SGK1: variants seen among roughly 807,000 people sequenced by gnomAD.
SGK1 encodes serum/glucocorticoid regulated kinase 1.
In SGK1, 26 loss-of-function variants were observed where a neutral mutation model predicts 64.2. The observed-to-expected ratio is 0.40, with a 90% confidence interval of 0.30 to 0.56. The LOEUF (loss-of-function observed/expected upper bound fraction) is 0.56, where lower values mean the gene tolerates loss of function less well. Among genes scored for constraint, SGK1 ranks in the 20% least tolerant of loss-of-function variants. The pLI, the probability that SGK1 is intolerant of heterozygous loss-of-function variation, is 0.38. For missense variants in SGK1, 519 were observed against 645.6 expected (o/e 0.80, Z 2.12); for synonymous variants, 265 against 239.7 (o/e 1.11, Z -0.98).
intron 1 of SGK1, among the ~76,000 whole-genome samples, chr6:134,301,382 C>T (rs1359346911): frequency 6.6e-6 from 1 of 152,066 alleles, no homozygotes; most frequent in Admixed American, 6.6e-5. Flanking sequence ...ATTGGTAAGA[C>T]AGAGCAGGAA....
At chr6:134,229,268 C>T (rs1394199629) in intron 2 of SGK1, among the ~76,000 whole-genome samples, 1 of 152,196 alleles carries the variant, frequency 6.6e-6, no homozygotes, top group Non-Finnish European at 1.5e-5. Context: ...ACGTCCCTTT[C>T]CCTTCCCGTT....
At chr6:134,253,578 A>G (rs1394814739) in intron 2 of SGK1, among the ~76,000 whole-genome samples, 1 of 152,128 alleles carries the variant, frequency 6.6e-6, no homozygotes, top group Non-Finnish European at 1.5e-5. Flanking sequence ...GCTTGAGCCC[A>G]GGAAATCGAG....
At chr6:134,214,658 A>ATGAG (rs10667146) in intron 2 of SGK1, among the ~76,000 whole-genome samples, 136,854 of 151,934 alleles carry the variant, frequency 0.9, 62,074 homozygotes, top group East Asian at 1. Flanking sequence ...GAAAAACAGA[A>ATGAG]TATGTGCAGT....
At chr6:134,287,697 A>T (rs1446649489) in intron 1 of SGK1, among the ~76,000 whole-genome samples, 1 of 152,082 alleles carries the variant, frequency 6.6e-6, no homozygotes, top group Admixed American at 6.5e-5. Flanking sequence ...AAAATGTGAT[A>T]ATGACTTAAT....
At chr6:134,290,150 CAAA>C (rs35039086) in intron 1 of SGK1, among the ~76,000 whole-genome samples, 71 of 75,910 alleles carry the variant, frequency 9.4e-4, no homozygotes, top group African/African-American at 2.5e-3. Context: ...AGCTCCTTCT[CAAA>C]AAAAAAAAAA....
intron 2 of SGK1, among the ~76,000 whole-genome samples, chr6:134,221,257 C>T (rs1776086880): frequency 6.6e-6 from 1 of 152,010 alleles, no homozygotes; most frequent in Admixed American, 6.6e-5. Context: ...TGAGCCAAGA[C>T]TGTGCCACTG....
intron 1 of SGK1, among the ~76,000 whole-genome samples, chr6:134,308,444 G>T (rs1777566442): frequency 6.6e-6 from 1 of 152,116 alleles, no homozygotes; most frequent in African/African-American, 2.4e-5. Flanking sequence ...AGCTACCAAG[G>T]TCTTTCAAAC....
intron 2 of SGK1, among the ~76,000 whole-genome samples, chr6:134,231,885 C>T (rs1230416710): frequency 6.6e-6 from 1 of 151,036 alleles, no homozygotes; most frequent in Admixed American, 6.6e-5. Context: ...ACTAAAAATA[C>T]AAAAATTAGC....
chr6:134,314,590 C>T (rs1399836672), intron 1 of SGK1, among the ~76,000 whole-genome samples: 1 of 152,106 alleles, frequency 6.6e-6, no homozygotes, highest in African/African-American at 2.4e-5. Context: ...ATTAAATGAG[C>T]TAATACATGT....
At chr6:134,177,431 G>A (rs1382456140) in intron 3 of SGK1, among the ~76,000 whole-genome samples, 1 of 152,162 alleles carries the variant, frequency 6.6e-6, no homozygotes, top group African/African-American at 2.4e-5. Flanking sequence ...GCCTAGCCCA[G>A]CCTAGCTCTG....
intron 2 of SGK1, among the ~76,000 whole-genome samples, chr6:134,225,767 A>G (rs1175681669): frequency 1.3e-5 from 2 of 152,036 alleles, no homozygotes; most frequent in African/African-American, 4.8e-5. Flanking sequence ...CAGGAGTAAA[A>G]GAAAAAAATA....
chr6:134,301,576 CTCT>C lies in SGK1; in HGVS notation c.69+15813_69+15815del, dbSNP rs1562279145. ...CTCTTCTCTTCTCTTCTCTTCTCTT[CTCT>C]TCTCTTCCCTTCTCTTCTCTTTTCT... On this transcript the variant is annotated intron_variant, in intron 1 of 13. Coordinates refer to ENST00000367858, the MANE Select transcript of SGK1 (RefSeq NM_001143676.3). Among the ~76,000 whole-genome samples the C allele has an allele frequency of 8.5e-4, 83 of 97,124 alleles. 1 individual carries two copies. The highest frequency in any genetic ancestry group is 3.5e-3 in the African/African-American group (79 of 22,536). 63.7% of individuals were successfully genotyped at this position (97,124 alleles called of 152,430 possible).
At chr6:134,272,327 T>G (rs1412494599) in intron 1 of SGK1, among the ~76,000 whole-genome samples, 9 of 131,994 alleles carry the variant, frequency 6.8e-5, no homozygotes, top group African/African-American at 2.5e-4. Flanking sequence ...TTTTTTTTTG[T>G]ATTTTTAGTA....
In SGK1 at chr6:134,237,553, T is replaced by C. The variant is rs1776384057; in HGVS notation, c.285+24380A>G. Among the ~76,000 whole-genome samples the C allele has an allele frequency of 2.6e-5, 4 of 152,170 alleles. No individual in the cohort carries two copies. In the South Asian group the frequency reaches 8.3e-4, roughly 32 times the overall value. ...TTAGCCAGGCGTGGTGGCATGCGCC[T>C]GTGATCCCAGCTACTCAGGAGGCAG... On this transcript the variant is annotated intron_variant, in intron 2 of 13. Transcript: ENST00000367858.
chr6:134,279,646 C>T (rs986177679), intron 1 of SGK1, among the ~76,000 whole-genome samples: 1 of 151,796 alleles, frequency 6.6e-6, no homozygotes, highest in Non-Finnish European at 1.5e-5. Context: ...TTAATCCCCT[C>T]CCCCCCAAAA....
At chr6:134,280,370 T>C (rs939232603) in intron 1 of SGK1, among the ~76,000 whole-genome samples, 3 of 152,160 alleles carry the variant, frequency 2.0e-5, no homozygotes, top group Non-Finnish European at 4.4e-5. Flanking sequence ...AAGTATTTGT[T>C]GAATAAATAG....
rs528521043 is a variant in SGK1, at chr6:134,284,232, A to G, written c.70-22084T>C. ...CTCAGCCTCCCAGGTAGCTGGGACT[A>G]CAGGTGCACACCACCACGCCTGGCA... On this transcript the variant is annotated intron_variant, in intron 1 of 13. Coordinates refer to ENST00000367858, the MANE Select transcript of SGK1 (RefSeq NM_001143676.3). Among the ~76,000 whole-genome samples the G allele has an allele frequency of 2.2e-4, 33 of 152,238 alleles. No individual in the cohort carries two copies. In the South Asian group the frequency reaches 6.2e-3, roughly 29 times the overall value.
chr6:134,227,789 A>C (rs12200883), intron 2 of SGK1, among the ~76,000 whole-genome samples: 11,861 of 152,214 alleles, frequency 0.078, 528 homozygotes, highest in African/African-American at 0.087. Flanking sequence ...GCACGTACTA[A>C]AAGCAAAATG....
rs1396209462 is a variant in SGK1, at chr6:134,170,922, A to G, written c.1324-7T>C. The G allele has an allele frequency of 9.3e-6, 15 of 1,609,600 alleles. No individual in the cohort carries two copies. Among genetic ancestry groups the G allele is most frequent in the African/African-American group, 1.3e-5 (1 of 74,810 alleles). ...CATGACTCTTAATCTCCATCTGTTG[A>G]TAAGAAACCCAAGATTAATTTAGAC... is the stretch of plus-strand genomic sequence containing the variant. On this transcript the variant is annotated splice_region_variant and splice_polypyrimidine_tract_variant and intron_variant, in intron 12 of 13. Transcript: ENST00000367858.
Sources: gnomAD v4.1 joint callset for allele counts (sites outside exome capture counted in the v4.1 genomes callset) on GRCh38, gnomAD v4.1.1 for gene constraint, MANE v1.5 for transcripts, NCBI Gene and HGNC (gene_info 2026-07-23, HGNC 2026-07-21) for gene names.